Variants in SRPRB observed in about 807,000 individuals in gnomAD.
The protein encoded by SRPRB is signal recognition particle receptor subunit beta.
In SRPRB, 20 loss-of-function variants were observed where a neutral mutation model predicts 31.9. The observed-to-expected ratio is 0.63, with a 90% CI of 0.44 to 0.91. The LOEUF (loss-of-function observed/expected upper bound fraction) is 0.91, where lower values mean the gene tolerates loss of function less well. SRPRB is among the 40% of genes least tolerant of loss of function. The pLI is 0.00. For missense variants in SRPRB, 321 were observed against 324.9 expected (o/e 0.99, Z 0.09); for synonymous variants, 146 against 132.8 (o/e 1.10, Z -0.68).
chr3:133,805,720 G>A (rs1332085126), upstream of SRPRB: 9 of 1,275,222 alleles, frequency 7.1e-6, no homozygotes, highest in Non-Finnish European at 9.4e-6. Context: ...AAGCACTTGG[G>A]GGATCGCCGC....
intron 1 of SRPRB, among the ~76,000 whole-genome samples, chr3:133,797,272 C>T (rs1276653477): frequency 1.3e-5 from 2 of 152,138 alleles, no homozygotes; most frequent in African/African-American, 4.8e-5. Flanking sequence ...AAAAATGCTT[C>T]AAAAGTAGAA....
At chr3:133,808,905 AT>A (rs371769887) in intron 3 of SRPRB, among the ~76,000 whole-genome samples, 6,916 of 148,762 alleles carry the variant, frequency 0.046, 504 homozygotes, top group African/African-American at 0.17. Context: ...AAAAAAAAAA[AT>A]ATAAGGAATC....
upstream of SRPRB, chr3:133,805,712 GCA>G: frequency 8.5e-7 from 1 of 1,171,884 alleles, no homozygotes; most frequent in Non-Finnish European, 1.2e-6. Context: ...CTCCCATCAA[GCA>G]CTTGGGGGAT....
chr3:133,828,507 A>C, downstream of SRPRB: 1 of 478,424 alleles, frequency 2.1e-6, no homozygotes, highest in Non-Finnish European at 3.7e-6. Flanking sequence ...TATACACATG[A>C]TTTAAATTTT....
At chr3:133,800,647 A>T (rs1559888093) in intron 1 of SRPRB, among the ~76,000 whole-genome samples, 1 of 152,252 alleles carries the variant, frequency 6.6e-6, no homozygotes, top group Admixed American at 6.5e-5. Flanking sequence ...TTACCAGCAG[A>T]TTCTACTTTC....
intron 1 of SRPRB, chr3:133,786,728 G>T (rs142845028): frequency 1.3e-5 from 2 of 152,346 alleles, no homozygotes; most frequent in African/African-American, 4.8e-5. Context: ...AGATGGGAAG[G>T]TGTAGGCCAG....
At chr3:133,819,171 A>G (rs11707556) in intron 6 of SRPRB, among the ~76,000 whole-genome samples, 37,734 of 152,154 alleles carry the variant, frequency 0.25, 5,727 homozygotes, top group Non-Finnish European at 0.33. Context: ...TACATACCCT[A>G]TCTACCCACA....
At chr3:133,786,885 G>C (rs1378621671) in intron 1 of SRPRB, 1 of 152,230 alleles carries the variant, frequency 6.6e-6, no homozygotes, top group African/African-American at 2.4e-5. Context: ...TGTATGTTAA[G>C]TGTAGAGGTA....
downstream of SRPRB, chr3:133,827,834 G>A: frequency 1.8e-6 from 1 of 561,034 alleles, no homozygotes; most frequent in Non-Finnish European, 3.3e-6. Flanking sequence ...CTTCAGGATG[G>A]CACACTGCCC....
intron 1 of SRPRB, chr3:133,792,045 C>G (rs1245107769): frequency 6.6e-6 from 1 of 152,056 alleles, no homozygotes; most frequent in Non-Finnish European, 1.5e-5. Context: ...CTAAATTATG[C>G]AGGTCAGATA....
At chr3:133,817,532 C>CTA (rs1346744306) in intron 6 of SRPRB, among the ~76,000 whole-genome samples, 1 of 151,976 alleles carries the variant, frequency 6.6e-6, no homozygotes, top group Non-Finnish European at 1.5e-5. Flanking sequence ...GTAAATTGAG[C>CTA]TATAAGCTTT....
chr3:133,818,718 C>T (rs1007775221), intron 6 of SRPRB, among the ~76,000 whole-genome samples: 1 of 151,966 alleles, frequency 6.6e-6, no homozygotes, highest in African/African-American at 2.4e-5. Context: ...CTGTTTCTCC[C>T]CAAAAGCTTT....
chr3:133,791,883 T>A (rs1014289275), intron 1 of SRPRB: 1 of 152,176 alleles, frequency 6.6e-6, no homozygotes, highest in Non-Finnish European at 1.5e-5. Context: ...AGCTTAATAA[T>A]AATAAGAGCT....
intron 1 of SRPRB, among the ~76,000 whole-genome samples, chr3:133,798,958 CACAT>C (rs1559887643): frequency 6.6e-6 from 1 of 151,776 alleles, no homozygotes; most frequent in African/African-American, 2.4e-5. Context: ...CTAGATAACA[CACAT>C]AGAGCCAACA....
chr3:133,816,872 T>C lies in SRPRB; in HGVS notation c.548-6T>C. On this transcript the variant is annotated splice_region_variant and splice_polypyrimidine_tract_variant and intron_variant, in intron 5 of 6. Transcript: ENST00000678299. Reference sequence around the variant, plus strand: ...AAACTACAACAGTGTCTTTATTTCTTTACAGATATTGCAATGGCAAAATCA... The same window carrying C: ...AAACTACAACAGTGTCTTTATTTCTCTACAGATATTGCAATGGCAAAATCA... 3 of 1,606,650 alleles carry C rather than the reference T, an allele frequency of 1.9e-6. No homozygotes were observed. In the African/African-American group the frequency reaches 4.0e-5, roughly 21 times the overall value.
At chr3:133,792,941 A>G (rs1934876701) in intron 1 of SRPRB, 1 of 152,226 alleles carries the variant, frequency 6.6e-6, no homozygotes, top group African/African-American at 2.4e-5. Context: ...GCTCTTTAAC[A>G]AACATTTGTA....
intron 3 of SRPRB, among the ~76,000 whole-genome samples, chr3:133,809,401 C>T (rs1253975652): frequency 6.6e-6 from 1 of 152,028 alleles, no homozygotes; most frequent in Non-Finnish European, 1.5e-5. Flanking sequence ...TTCTCTTTGT[C>T]TTCTTTCCCC....
intron 1 of SRPRB, chr3:133,793,817 C>T (rs1361123615): frequency 6.6e-6 from 1 of 152,138 alleles, no homozygotes; most frequent in Non-Finnish European, 1.5e-5. Context: ...CCCTAAAAAG[C>T]ACTCTTGAAT....
At chr3:133,789,890 T>G (rs1376081201) in intron 1 of SRPRB, 1 of 59,210 alleles carries the variant, frequency 1.7e-5, no homozygotes, top group East Asian at 1.3e-3. Context: ...TTTTTTTTTT[T>G]TTTTTTTTTT....
Sources: gnomAD v4.1 joint callset for allele counts (sites outside exome capture counted in the v4.1 genomes callset) on GRCh38, gnomAD v4.1.1 for gene constraint, MANE v1.5 for transcripts, NCBI Gene and HGNC (gene_info 2026-07-23, HGNC 2026-07-21) for gene names.